PDE1A: variants seen among roughly 807,000 people sequenced by gnomAD.
PDE1A encodes the protein phosphodiesterase 1A.
Under a neutral mutation model 61.7 loss-of-function variants are expected in PDE1A, and 35 were observed. The ratio of observed to expected loss-of-function variants is 0.57; its 90% CI spans 0.43 to 0.75. The LOEUF (loss-of-function observed/expected upper bound fraction) is 0.75. Ranked by LOEUF, PDE1A falls within the 30% of genes least tolerant of loss-of-function variation. PDE1A has a pLI of 0.00. For synonymous variants in PDE1A, 232 were observed against 213.2 expected (o/e 1.09, Z -0.77); for missense variants, 597 against 630.6 (o/e 0.95, Z 0.57).
the PDE1A span, among the ~76,000 whole-genome samples, chr2:182,554,977 C>T: frequency 6.6e-6 from 1 of 152,252 alleles, no homozygotes; most frequent in East Asian, 1.9e-4. Context: ...AAAGTGTAAA[C>T]AGAGAAATAG....
At chr2:182,510,697 T>C (rs1689724799) in intron 2 of PDE1A, among the ~76,000 whole-genome samples, 1 of 152,190 alleles carries the variant, frequency 6.6e-6, no homozygotes, top group South Asian at 2.1e-4. Flanking sequence ...GAGATAAACA[T>C]GATTATAGAG....
intron 2 of PDE1A, among the ~76,000 whole-genome samples, chr2:182,516,800 AAAGG>A (rs1390652489): frequency 1.5e-5 from 2 of 130,062 alleles, no homozygotes; most frequent in Non-Finnish European, 1.6e-5. Flanking sequence ...AGAAAGAGAG[AAAGG>A]AAGGAAGGAA....
chr2:182,385,471 C>A (rs1700975772), intron 1 of PDE1A, among the ~76,000 whole-genome samples: 2 of 151,472 alleles, frequency 1.3e-5, no homozygotes, highest in Admixed American at 6.6e-5. Context: ...AAATCAAAAT[C>A]AAGTTTTTAT....
At chr2:182,237,323 C>T (rs563127684) in intron 3 of PDE1A, among the ~76,000 whole-genome samples, 2 of 152,088 alleles carry the variant, frequency 1.3e-5, no homozygotes, top group Admixed American at 6.5e-5. Flanking sequence ...GAAACCCTGT[C>T]TCTACTAAAA....
intron 2 of PDE1A, among the ~76,000 whole-genome samples, chr2:182,248,478 C>T (rs1691153844): frequency 6.6e-6 from 1 of 152,034 alleles, no homozygotes; most frequent in African/African-American, 2.4e-5. Context: ...TGAAAACTGA[C>T]CCTGCATCCA....
At chr2:182,303,644 G>A (rs886701551) in intron 1 of PDE1A, among the ~76,000 whole-genome samples, 8 of 152,164 alleles carry the variant, frequency 5.3e-5, no homozygotes, top group African/African-American at 1.9e-4. Flanking sequence ...GAGTCAGCCT[G>A]TCCTTTGAGG....
chr2:182,190,686 G>A (rs952018169), intron 10 of PDE1A, among the ~76,000 whole-genome samples: 2 of 151,928 alleles, frequency 1.3e-5, no homozygotes, highest in Admixed American at 6.6e-5. Flanking sequence ...GGTCAGGCAC[G>A]GTGGCTCACA....
intron 2 of PDE1A, among the ~76,000 whole-genome samples, chr2:182,459,298 C>G (rs762394411): frequency 3.3e-5 from 5 of 152,056 alleles, no homozygotes; most frequent in African/African-American, 4.8e-5. Context: ...CCTATAAAAT[C>G]TAAGTTCTCA....
At chr2:182,335,212 A>C (rs938261362) in intron 1 of PDE1A, among the ~76,000 whole-genome samples, 1 of 152,208 alleles carries the variant, frequency 6.6e-6, no homozygotes, top group African/African-American at 2.4e-5. Context: ...TATAAGTTCA[A>C]TGCTATCCCC....
At chr2:182,662,007 G>GA in the PDE1A span, among the ~76,000 whole-genome samples, 3 of 151,514 alleles carry the variant, frequency 2.0e-5, no homozygotes, top group Admixed American at 2.0e-4. Flanking sequence ...AAATTTATAT[G>GA]AAAAAAATCA....
At chr2:182,507,906 A>G (rs905694664) in intron 2 of PDE1A, among the ~76,000 whole-genome samples, 1 of 152,128 alleles carries the variant, frequency 6.6e-6, no homozygotes, top group African/African-American at 2.4e-5. Context: ...AGAATGCTTG[A>G]AAAAAATACT....
intron 7 of PDE1A, among the ~76,000 whole-genome samples, chr2:182,212,464 G>A (rs547924064): frequency 6.6e-6 from 1 of 152,168 alleles, no homozygotes; most frequent in Admixed American, 6.5e-5. Context: ...CAGCGTGAGC[G>A]ACGCAGAAGA....
At chr2:182,557,704 C>T in the PDE1A span, among the ~76,000 whole-genome samples, 1 of 151,284 alleles carries the variant, frequency 6.6e-6, no homozygotes. Flanking sequence ...AGAGCAAGAC[C>T]CTATCTCAAA....
Position 182,190,783 on chromosome 2 carries a change from C to A in PDE1A, c.1126-1723G>T, listed in dbSNP as rs144781899. On this transcript the variant is annotated intron_variant, in intron 10 of 13. Coordinates refer to ENST00000351439, the Ensembl canonical transcript of PDE1A. ...CCATCCTGGCCAACATGGTGAAACACCGTCTCTACTATAAATACAAAAATT... is the reference window on the plus strand; with the variant it reads ...CCATCCTGGCCAACATGGTGAAACAACGTCTCTACTATAAATACAAAAATT... Among the ~76,000 whole-genome samples the A allele has an allele frequency of 3.2e-3, 482 of 152,092 alleles. 4 individuals carry two copies. Among genetic ancestry groups the A allele is most frequent in the African/African-American group, 0.011 (468 of 41,500 alleles).
intron 10 of PDE1A, among the ~76,000 whole-genome samples, chr2:182,190,375 A>G (rs1685588182): frequency 6.6e-6 from 1 of 152,216 alleles, no homozygotes; most frequent in Non-Finnish European, 1.5e-5. Context: ...TACTCAGCTT[A>G]AAGGACAGAT....
the PDE1A span, among the ~76,000 whole-genome samples, chr2:182,560,989 T>C: frequency 6.7e-6 from 1 of 150,326 alleles, no homozygotes; most frequent in African/African-American, 2.4e-5. Context: ...GCGAAAATTT[T>C]CTCCCATTTT....
intron 1 of PDE1A, among the ~76,000 whole-genome samples, chr2:182,375,798 G>A (rs1382002377): frequency 1.3e-5 from 2 of 152,300 alleles, no homozygotes; most frequent in East Asian, 1.9e-4. Flanking sequence ...GGGCATCCAG[G>A]CATTTCCATA....
upstream of PDE1A, among the ~76,000 whole-genome samples, chr2:182,524,726 T>C (rs1690746359): frequency 3.3e-5 from 5 of 152,210 alleles, no homozygotes; most frequent in South Asian, 1.0e-3. Flanking sequence ...TCATTTTTCT[T>C]TGTTAGTTTA....
At chr2:182,561,536 C>T in the PDE1A span, among the ~76,000 whole-genome samples, 19 of 152,156 alleles carry the variant, frequency 1.2e-4, no homozygotes, top group Non-Finnish European at 7.4e-5. Context: ...CTTGGCAATG[C>T]GGGCTCTTTT....
Sources: allele counts gnomAD v4.1 joint callset (sites outside exome capture counted in the v4.1 genomes callset), GRCh38; gene constraint gnomAD v4.1.1; transcripts MANE v1.5; gene names NCBI Gene and HGNC (gene_info 2026-07-23, HGNC 2026-07-21).